The following HIVEP2 variants were observed in gnomAD, a reference collection of about 807,000 sequenced individuals.
HIVEP2 encodes transcription factor HIVEP2.
In HIVEP2, 14 loss-of-function variants were observed where a neutral mutation model predicts 180.7. The observed-to-expected ratio is 0.08, with a 90% CI of 0.05 to 0.12. The LOEUF (loss-of-function observed/expected upper bound fraction) is 0.12. HIVEP2 is among the 10% of genes least tolerant of loss of function. HIVEP2 has a pLI of 1.00. For missense variants in HIVEP2, 2,579 were observed against 3,008.5 expected, an observed-to-expected ratio of 0.86 and a Z score of 3.34; for synonymous variants, 1,184 against 1,136.4, an observed-to-expected ratio of 1.04 and a Z score of -0.84.
At chr6:142,836,248 T>C (rs929354962) in intron 2 of HIVEP2, among the ~76,000 whole-genome samples, 5 of 152,160 alleles carry the variant, frequency 3.3e-5, no homozygotes, top group African/African-American at 2.4e-5. Context: ...CAGTATCATA[T>C]AAATTTCTGA....
intron 1 of HIVEP2, among the ~76,000 whole-genome samples, chr6:142,843,614 G>T (rs1002083643): frequency 6.6e-6 from 1 of 152,208 alleles, no homozygotes; most frequent in Non-Finnish European, 1.5e-5. Flanking sequence ...AGCCTGCTTT[G>T]TGGTTATAGA....
intron 1 of HIVEP2, among the ~76,000 whole-genome samples, chr6:142,901,039 C>T (rs576717161): frequency 3.3e-5 from 5 of 152,162 alleles, no homozygotes; most frequent in Admixed American, 6.5e-5. Flanking sequence ...TCAGATTTTC[C>T]GTTGCTCATC....
chr6:142,820,549 G>A (rs1012766287), intron 2 of HIVEP2, among the ~76,000 whole-genome samples: 1 of 152,178 alleles, frequency 6.6e-6, no homozygotes, highest in African/African-American at 2.4e-5. Flanking sequence ...AGTTATAGCT[G>A]TTTAAACAGA....
intron 2 of HIVEP2, among the ~76,000 whole-genome samples, chr6:142,790,907 G>A (rs1361652610): frequency 1.4e-5 from 2 of 147,508 alleles, no homozygotes; most frequent in Admixed American, 6.8e-5. Flanking sequence ...ATTCTCAGAT[G>A]TGATGAAAAA....
intron 1 of HIVEP2, among the ~76,000 whole-genome samples, chr6:142,844,304 T>TA (rs1775451562): frequency 1.3e-5 from 2 of 151,940 alleles, no homozygotes; most frequent in East Asian, 1.9e-4. Context: ...TTTTTTTTTT[T>TA]AATGAAGAGA....
chr6:142,929,341 C>T (rs180938203), intron 1 of HIVEP2, among the ~76,000 whole-genome samples: 1 of 152,146 alleles, frequency 6.6e-6, no homozygotes, highest in Non-Finnish European at 1.5e-5. Context: ...ATCCTGATTA[C>T]AGGCTAAATA....
In HIVEP2 at chr6:142,772,476, T is replaced by C. The variant is rs1775574411; in HGVS notation, c.2263A>G (p.Thr755Ala). Residue 755 changes from threonine (T) to alanine (A), a missense_variant, in exon 5 of 10, where the codon ACG becomes GCG. Thr to Ala is a moderately conservative substitution (Grantham distance 58). Coordinates refer to ENST00000367603, the MANE Select transcript of HIVEP2 (RefSeq NM_006734.4). The surrounding 1 kb of genome is among the most constrained non-coding windows in gnomAD (Gnocchi z 4.9). ...AGHENLSHGH[T>A]ERFDPCRPQL... The stretch of plus-strand genomic sequence containing the variant: ...GGCCGACATGGGTCAAAGCGTTCCG[T>C]GTGACCATGAGAAAGGTTTTCGTGT... 1 of 1,614,186 alleles carries C rather than the reference T, an allele frequency of 6.2e-7. No individual in the cohort carries two copies.
At chr6:142,856,891 A>G (rs896663975) in intron 1 of HIVEP2, among the ~76,000 whole-genome samples, 3 of 152,228 alleles carry the variant, frequency 2.0e-5, no homozygotes, top group Non-Finnish European at 1.5e-5. Flanking sequence ...TCCGAGACCA[A>G]CCTGGACTTC....
At chr6:142,899,227 T>C (rs986649934) in intron 1 of HIVEP2, among the ~76,000 whole-genome samples, 1 of 152,200 alleles carries the variant, frequency 6.6e-6, no homozygotes, top group Admixed American at 6.5e-5. Flanking sequence ...GGATCCTTTT[T>C]TGCTAAGGCT....
At chr6:142,783,326 C>CAAAAAAAAAAAAAAAAAAAAAAAAA (rs567202980) in intron 3 of HIVEP2, among the ~76,000 whole-genome samples, 195 bp downstream of exon 3, 1 of 71,070 alleles carries the variant, frequency 1.4e-5, no homozygotes, top group African/African-American at 5.7e-5. Flanking sequence ...GACTCCGTCA[C>CAAAAAAAAAAAAAAAAAAAAAAAAA]AAAAAAAAAA....
intron 1 of HIVEP2, among the ~76,000 whole-genome samples, chr6:142,940,352 G>A (rs944618418): frequency 6.6e-6 from 1 of 152,170 alleles, no homozygotes; most frequent in Non-Finnish European, 1.5e-5. Context: ...ATTACATATA[G>A]AGTCATTAAA....
chr6:142,802,552 G>A (rs1008737000), intron 2 of HIVEP2, among the ~76,000 whole-genome samples: 3 of 151,996 alleles, frequency 2.0e-5, no homozygotes, highest in African/African-American at 4.8e-5. Context: ...ACTACTATAC[G>A]TAAATCATGT....
In HIVEP2 at chr6:142,760,062, A is replaced by C. The variant is rs1332148243; in HGVS notation, c.6226T>G (p.Leu2076Val). 3.7e-6 allele frequency: 6 copies of C among 1,613,966 alleles called. No individual in the cohort carries two copies. Among genetic ancestry groups the C allele is most frequent in the South Asian group, 1.1e-5 (1 of 91,070 alleles). Residue 2076 changes from leucine (L) to valine (V), a missense_variant, in exon 9 of 10, where the codon TTA becomes GTA. By Grantham distance (32) the Leu-to-Val change is conservative. Coordinates refer to ENST00000367603, the MANE Select transcript of HIVEP2 (RefSeq NM_006734.4). ...PKGDLSPRRHLSPRRDLSPMR... is the reference protein window; with the variant it reads ...PKGDLSPRRHVSPRRDLSPMR... Reference sequence around the variant, plus strand: ...GGTGACAGATCTCTCCTAGGTGATAAATGTCTCCTGGGAGATAAATCTCCT... The same window carrying C: ...GGTGACAGATCTCTCCTAGGTGATACATGTCTCCTGGGAGATAAATCTCCT...
chr6:142,842,417 G>A (rs1775387862), intron 1 of HIVEP2, among the ~76,000 whole-genome samples: 1 of 151,978 alleles, frequency 6.6e-6, no homozygotes, highest in African/African-American at 2.4e-5. Flanking sequence ...GGTACATGAA[G>A]AATTCTAGAC....
intron 1 of HIVEP2, among the ~76,000 whole-genome samples, chr6:142,862,783 ATAT>A (rs1449131426): frequency 7.4e-6 from 1 of 134,972 alleles, no homozygotes; most frequent in Non-Finnish European, 1.5e-5. Context: ...ATATGTAATT[ATAT>A]TACATATAAT....
At chr6:142,790,378 A>C (rs1776108789) in intron 2 of HIVEP2, among the ~76,000 whole-genome samples, 1 of 152,068 alleles carries the variant, frequency 6.6e-6, no homozygotes, top group African/African-American at 2.4e-5. Context: ...CATTTCCTCT[A>C]TCTTATCCCT....
At chr6:142,825,671 ACAGAACATTTC>A (rs1284616167) in intron 2 of HIVEP2, among the ~76,000 whole-genome samples, 1 of 152,230 alleles carries the variant, frequency 6.6e-6, no homozygotes, top group Non-Finnish European at 1.5e-5. Context: ...CAGAAATTGT[ACAGAACATTTC>A]CAAACTTAAT....
In HIVEP2 at chr6:142,881,473, T is replaced by A. The variant is rs538950982; in HGVS notation, c.-640-44426A>T. On this transcript the variant is annotated intron_variant, in intron 1 of 9. Coordinates refer to ENST00000367603, the MANE Select transcript of HIVEP2 (RefSeq NM_006734.4). ...GACACAGTAAGAATGGCCCTACACA[T>A]GTTATTAGAGTACATTCCTGTGCAT... 9.9e-5 allele frequency among the ~76,000 whole-genome samples: 15 copies of A among 152,278 alleles called. No homozygotes were observed. In the East Asian group the frequency reaches 2.9e-3, roughly 29 times the overall value.
rs984948319 is a variant in HIVEP2, at chr6:142,936,065, T to A, written c.-641+9034A>T. Among the ~76,000 whole-genome samples, 88 of 151,792 alleles carry A rather than the reference T, an allele frequency of 5.8e-4. 2 individuals carry two copies. The highest frequency in any genetic ancestry group is 5.6e-3 in the Admixed American group (86 of 15,260). On this transcript the variant is annotated intron_variant, in intron 1 of 9. Coordinates refer to ENST00000367603, the MANE Select transcript of HIVEP2 (RefSeq NM_006734.4). The stretch of plus-strand genomic sequence containing the variant: ...AGGTCGAGGTTGCAGTGAACCGTGA[T>A]CGCGCCACTGCACTCCAGCCTGGGT...
Sources: gnomAD v4.1 joint callset for allele counts (sites outside exome capture counted in the v4.1 genomes callset) on GRCh38, gnomAD v4.1.1 for gene constraint, Gnocchi (gnomAD v3.1) non-coding constraint, MANE v1.5 for transcripts, NCBI Gene and HGNC (gene_info 2026-07-23, HGNC 2026-07-21) for gene names.